The following PTGIS variants were observed in gnomAD, a reference collection of about 807,000 sequenced individuals.
The protein encoded by PTGIS is prostaglandin I2 synthase.
A neutral mutation model predicts 50.3 loss-of-function variants in PTGIS; 45 were observed. That is an observed-to-expected ratio of 0.90 (90% CI 0.70 to 1.15). The LOEUF (loss-of-function observed/expected upper bound fraction) is 1.15, where lower values mean the gene tolerates loss of function less well. Among genes scored for constraint, PTGIS ranks in the 50% most tolerant of loss-of-function variants. The pLI is 0.00. For synonymous variants in PTGIS, 260 were observed against 267.7 expected, an observed-to-expected ratio of 0.97 and a Z score of 0.28; for missense variants, 668 against 661.3, an observed-to-expected ratio of 1.01 and a Z score of -0.11.
chr20:49,568,043 C>CT lies in PTGIS; in HGVS notation c.73_74insA (p.Arg25GlnfsTer5). ...GGGCCGAGCGGAGCAGGACACTCACCGCGTGCGGCGGCGGCTCAGTAGCAG... is the reference window on the plus strand; with the variant it reads ...GGGCCGAGCGGAGCAGGACACTCACCTGCGTGCGGCGGCGGCTCAGTAGCAG... On this transcript the variant is annotated frameshift_variant and splice_region_variant, in exon 1 of 10. Coordinates refer to ENST00000244043, the MANE Select transcript of PTGIS (RefSeq NM_000961.4). LOFTEE classifies it high-confidence loss of function. The CT allele has an allele frequency of 1.3e-6, 2 of 1,484,372 alleles. No homozygotes were observed. Among genetic ancestry groups the CT allele is most frequent in the Non-Finnish European group, 1.8e-6 (2 of 1,124,168 alleles). 92.0% of individuals were successfully genotyped at this position (1,484,372 alleles called of 1,614,324 possible).
chr20:49,543,487 C>T (rs544174380), intron 4 of PTGIS, among the ~76,000 whole-genome samples: 17 of 152,318 alleles, frequency 1.1e-4, no homozygotes, highest in African/African-American at 3.8e-4. Context: ...CCTGACCTCC[C>T]GACTGCCTGA....
intron 8 of PTGIS, among the ~76,000 whole-genome samples, chr20:49,512,232 G>C (rs980410789): frequency 6.6e-6 from 1 of 151,388 alleles, no homozygotes; most frequent in Non-Finnish European, 1.5e-5. Flanking sequence ...TGGATGGATG[G>C]ATGCATGGAT....
intron 1 of PTGIS, among the ~76,000 whole-genome samples, chr20:49,555,811 A>G (rs1982611942): frequency 6.6e-6 from 1 of 152,182 alleles, no homozygotes; most frequent in Admixed American, 6.5e-5. Context: ...TAGGTGATTT[A>G]TAATCAGCTA....
At chr20:49,508,138 C>CCAT (rs914526081) in intron 9 of PTGIS, 74 bp from the exon 10 acceptor site, 1 of 1,540,322 alleles carries the variant, frequency 6.5e-7, no homozygotes, top group Non-Finnish European at 8.9e-7. Flanking sequence ...GGCAGGGGAG[C>CCAT]CATGGCTGCC....
Position 49,567,975 on chromosome 20 carries a change from C to T in PTGIS, c.74+68G>A. ...CGGGCCGGCCGCGGGCTCCGAGACC[C>T]TTGGGCTGCAGCCCGGGCGGGAGCC... is the stretch of plus-strand genomic sequence containing the variant. On this transcript the variant is annotated intron_variant, in intron 1 of 9. Coordinates refer to ENST00000244043, the MANE Select transcript of PTGIS (RefSeq NM_000961.4). 3 of 1,407,798 alleles carry T rather than the reference C, an allele frequency of 2.1e-6. No homozygotes were observed. The South Asian group carries it at 4.3e-5, about 20-fold the overall frequency. The allele number at this position is 1,407,798 out of a possible 1,614,324, so 87.2% of individuals were successfully genotyped here.
chr20:49,548,115 A>G, intron 2 of PTGIS, 96 bp from the exon 3 acceptor site: 1 of 1,129,102 alleles, frequency 8.9e-7, no homozygotes, highest in South Asian at 1.3e-5. Flanking sequence ...GCACTGCCCC[A>G]CTGGACAGTA....
Position 49,514,263 on chromosome 20 carries a change from G to T in PTGIS, c.988C>A (p.Leu330Ile), listed in dbSNP as rs1210735650. 2.5e-6 allele frequency: 4 copies of T among 1,614,098 alleles called. No individual in the cohort carries two copies. Among genetic ancestry groups the T allele is most frequent in the South Asian group, 2.2e-5 (2 of 91,082 alleles). ...GTGCTGTCTAGAACCTTCTGTGGGA[G>T]AGTGGTCGTCTGCGAGACAGGCTGC... ...AEQPVSQTTT[L>I]PQKVLDSTPV... The change falls in exon 7 of 10, where the codon CTC becomes ATC. Residue 330 changes from leucine to isoleucine, a missense_variant. Coordinates refer to ENST00000244043, the MANE Select transcript of PTGIS (RefSeq NM_000961.4).
intron 5 of PTGIS, among the ~76,000 whole-genome samples, chr20:49,526,374 A>G (rs1981793826): frequency 6.6e-6 from 1 of 152,170 alleles, no homozygotes; most frequent in Non-Finnish European, 1.5e-5. Flanking sequence ...GCAATCTTGA[A>G]TATCACTGTA....
intron 4 of PTGIS, among the ~76,000 whole-genome samples, chr20:49,542,676 C>T (rs2122880851): frequency 6.6e-6 from 1 of 152,218 alleles, no homozygotes; most frequent in East Asian, 1.9e-4. Flanking sequence ...TCATACAATG[C>T]AGGGTGGACC....
chr20:49,508,526 G>A (rs1291847627), intron 9 of PTGIS, among the ~76,000 whole-genome samples: 1 of 152,182 alleles, frequency 6.6e-6, no homozygotes, highest in Non-Finnish European at 1.5e-5. Context: ...CTCGGCAGGT[G>A]CAGAGCTGAG....
At chr20:49,560,837 C>T (rs542938650) in intron 1 of PTGIS, among the ~76,000 whole-genome samples, 16 of 152,304 alleles carry the variant, frequency 1.1e-4, no homozygotes, top group African/African-American at 3.8e-4. Context: ...CTTTGTGGAC[C>T]ACGAGGGCCA....
Position 49,546,829 on chromosome 20 carries a change from G to A in PTGIS, c.377+1012C>T, listed in dbSNP as rs542508173. Reference sequence around the variant, plus strand: ...CTGCCTTCAAATGGTGGTTGGCACCGTTCTGCACACCCTACATCCAGGGCA... The same window carrying A: ...CTGCCTTCAAATGGTGGTTGGCACCATTCTGCACACCCTACATCCAGGGCA... On this transcript the variant is annotated intron_variant, in intron 3 of 9. Transcript: ENST00000244043. Among the ~76,000 whole-genome samples, 18 of 152,314 alleles carry A rather than the reference G, an allele frequency of 1.2e-4. No individual in the cohort carries two copies. In the South Asian group the frequency reaches 2.1e-3, roughly 18 times the overall value.
At chr20:49,524,387 C>T (rs1395103232) in intron 5 of PTGIS, 148 bp from the exon 6 acceptor site, 7 of 876,556 alleles carry the variant, frequency 8.0e-6, no homozygotes, top group Non-Finnish European at 8.6e-6. Context: ...AGCTGCAGGA[C>T]AGGCCCACAG....
intron 1 of PTGIS, among the ~76,000 whole-genome samples, chr20:49,557,700 G>T (rs1982651736): frequency 6.6e-6 from 1 of 152,214 alleles, no homozygotes. Flanking sequence ...GCAAGAAGCT[G>T]CCTTTCCTAC....
At position 49,568,119 on chromosome 20, in the gene PTGIS, C is replaced by A. The variant is rs1452741061; in HGVS notation, c.-3G>T. 13 of 1,011,180 alleles carry A rather than the reference C, an allele frequency of 1.3e-5. No homozygotes were observed. The highest frequency in any genetic ancestry group is 1.7e-5 in the Non-Finnish European group (13 of 765,810). 62.6% of individuals were successfully genotyped at this position (1,011,180 alleles called of 1,614,324 possible). Reference sequence around the variant, plus strand: ...CCGAGGAGCGCGGCCCAAGCCATCGCGGGGCTGGCGGGGCTGGCGGGGCTG... The same window carrying A: ...CCGAGGAGCGCGGCCCAAGCCATCGAGGGGCTGGCGGGGCTGGCGGGGCTG... On this transcript the variant is annotated 5_prime_UTR_variant, in exon 1 of 10. Coordinates refer to ENST00000244043, the MANE Select transcript of PTGIS (RefSeq NM_000961.4).
chr20:49,532,860 G>A (rs1981968709), intron 5 of PTGIS, among the ~76,000 whole-genome samples: 1 of 152,134 alleles, frequency 6.6e-6, no homozygotes, highest in Non-Finnish European at 1.5e-5. Flanking sequence ...ATGGTCAGGA[G>A]GATTCAGAAA....
intron 4 of PTGIS, among the ~76,000 whole-genome samples, chr20:49,541,720 C>T (rs1165428536): frequency 1.3e-5 from 2 of 151,660 alleles, no homozygotes; most frequent in African/African-American, 4.8e-5. Context: ...GGCGAAAGAG[C>T]GAAACTTTGT....
intron 9 of PTGIS, among the ~76,000 whole-genome samples, chr20:49,510,786 G>T (rs1981295939): frequency 6.6e-6 from 1 of 152,128 alleles, no homozygotes; most frequent in Admixed American, 6.5e-5. Context: ...TTGGAGGGAA[G>T]AACCTGCTGC....
intron 2 of PTGIS, among the ~76,000 whole-genome samples, chr20:49,548,381 C>T (rs1982418912): frequency 1.3e-5 from 2 of 152,178 alleles, no homozygotes; most frequent in Admixed American, 1.3e-4. Flanking sequence ...GCCATATCTC[C>T]AGTAGCCAGG....
Sources: allele counts gnomAD v4.1 joint callset (sites outside exome capture counted in the v4.1 genomes callset), GRCh38; gene constraint gnomAD v4.1.1; transcripts MANE v1.5; gene names NCBI Gene and HGNC (gene_info 2026-07-23, HGNC 2026-07-21).